The following SYCP2L variants were observed in gnomAD, a reference collection of about 807,000 sequenced individuals.
The protein encoded by SYCP2L is synaptonemal complex protein 2 like.
A neutral mutation model predicts 125.8 loss-of-function variants in SYCP2L; 98 were observed. That is an observed-to-expected ratio of 0.78 (90% CI 0.66 to 0.92). The LOEUF is 0.92. Among genes scored for constraint, SYCP2L ranks in the 40% least tolerant of loss-of-function variants. The pLI is 0.00. For missense variants in SYCP2L, 842 were observed against 936.4 expected, an observed-to-expected ratio of 0.90 and a Z score of 1.32; for synonymous variants, 317 against 325.4, an observed-to-expected ratio of 0.97 and a Z score of 0.28.
At chr6:10,917,719 A>C (rs528529685) in intron 14 of SYCP2L, among the ~76,000 whole-genome samples, 1 of 152,032 alleles carries the variant, frequency 6.6e-6, no homozygotes, top group African/African-American at 2.4e-5. Context: ...TTTTGTTTGT[A>C]ATATTGTATT....
chr6:10,922,022 TTTTGTTTGTTTG>T, intron 14 of SYCP2L, among the ~76,000 whole-genome samples: 1 of 152,190 alleles, frequency 6.6e-6, no homozygotes, highest in East Asian at 1.9e-4. Flanking sequence ...TTTTAATGTT[TTTTGTTTGTTTG>T]TTTGTTTGTT....
At chr6:10,927,173 A>T in intron 16 of SYCP2L, 67 bp from the exon 17 acceptor site, 1 of 1,584,984 alleles carries the variant, frequency 6.3e-7, no homozygotes, top group Non-Finnish European at 8.6e-7. Flanking sequence ...ACATCCCATG[A>T]AGACCACTGG....
intron 14 of SYCP2L, among the ~76,000 whole-genome samples, chr6:10,917,168 C>T (rs1780707645): frequency 6.6e-6 from 1 of 152,042 alleles, no homozygotes; most frequent in Admixed American, 6.6e-5. Context: ...TCATTTGTTC[C>T]AGGGTGTAGT....
At chr6:10,900,669 T>C (rs1780361727) in intron 6 of SYCP2L, among the ~76,000 whole-genome samples, 1 of 152,160 alleles carries the variant, frequency 6.6e-6, no homozygotes, top group African/African-American at 2.4e-5. Context: ...AGAGCTCTTA[T>C]AAGGGCACTC....
chr6:10,910,739 GT>G, intron 11 of SYCP2L, 84 bp from the exon 12 acceptor site: 2 of 1,433,522 alleles, frequency 1.4e-6, no homozygotes, highest in Non-Finnish European at 2.0e-6. Context: ...GCATACTCTA[GT>G]TATAAGTGCT....
intron 14 of SYCP2L, among the ~76,000 whole-genome samples, chr6:10,918,051 G>C (rs1408713496): frequency 6.6e-6 from 1 of 151,994 alleles, no homozygotes; most frequent in Non-Finnish European, 1.5e-5. Flanking sequence ...AGGTTACCTG[G>C]TGCTTTTGTC....
intron 29 of SYCP2L, among the ~76,000 whole-genome samples, chr6:10,966,438 G>C (rs57864468): frequency 0.26 from 39,032 of 152,034 alleles, 5,431 homozygotes; most frequent in East Asian, 0.42. Context: ...CCAGTATTCT[G>C]CTTAATCGTG....
At position 10,960,475 on chromosome 6, in the gene SYCP2L, T is replaced by G. The variant is rs568045461; in HGVS notation, c.2256-830T>G. Among the ~76,000 whole-genome samples the G allele has an allele frequency of 3.9e-5, 6 of 152,228 alleles. No individual in the cohort carries two copies. In the South Asian group the frequency reaches 6.2e-4, roughly 16 times the overall value. On this transcript the variant is annotated intron_variant, in intron 26 of 29. Coordinates refer to ENST00000283141, the MANE Select transcript of SYCP2L (RefSeq NM_001040274.3). ...AGGATGAGTTTTAGGTGCTTTTCAT[T>G]GAAACATTTGACCTAATAGAGAAGA...
chr6:10,967,835 G>C (rs1361366274), intron 29 of SYCP2L, among the ~76,000 whole-genome samples: 20 of 152,120 alleles, frequency 1.3e-4, no homozygotes, highest in Admixed American at 1.3e-3. Flanking sequence ...TGGGCCTTAA[G>C]TGCCCTTTTG....
At chr6:10,952,208 T>G (rs1398815936) in intron 23 of SYCP2L, among the ~76,000 whole-genome samples, 4 of 152,204 alleles carry the variant, frequency 2.6e-5, no homozygotes, top group Non-Finnish European at 5.9e-5. Context: ...AGGACATCAC[T>G]TAGTACCTGC....
In SYCP2L at chr6:10,887,071, G is replaced by T; in HGVS notation, c.-56G>T. 6.2e-7 allele frequency: 1 copy of T among 1,612,640 alleles called. No individual in the cohort carries two copies. The highest frequency in any genetic ancestry group is 8.5e-7 in the Non-Finnish European group (1 of 1,179,144). ...TTGGGCGGGGAAGCAGGAGAGGGCC[G>T]ACCGAGCGCAACAAAGCTGAGCGGC... On this transcript the variant is annotated 5_prime_UTR_variant, in exon 1 of 30. Coordinates refer to ENST00000283141, the MANE Select transcript of SYCP2L (RefSeq NM_001040274.3).
At chr6:10,952,403 TCC>T (rs1561699220) in intron 23 of SYCP2L, among the ~76,000 whole-genome samples, 2 of 151,932 alleles carry the variant, frequency 1.3e-5, no homozygotes, top group Admixed American at 1.3e-4. Flanking sequence ...GTTCACAAAT[TCC>T]GCATAATTCA....
rs538429516 is a variant in SYCP2L at position 10,941,528 on chromosome 6, GCCAACAGA to G, written c.1814-929_1814-922del. Among the ~76,000 whole-genome samples the G allele has an allele frequency of 2.7e-4, 41 of 152,320 alleles. No homozygotes were observed. In the East Asian group the frequency reaches 5.6e-3, roughly 21 times the overall value. On this transcript the variant is annotated intron_variant, in intron 21 of 29. Transcript: ENST00000283141. The stretch of plus-strand genomic sequence containing the variant: ...CTTCTCAAAAGAAGACATTTATGCA[GCCAACAGA>G]CACATGAAAAAATGCTCACCATCAC...
At chr6:10,906,477 T>A (rs760163898) in intron 9 of SYCP2L, among the ~76,000 whole-genome samples, 1 of 152,222 alleles carries the variant, frequency 6.6e-6, no homozygotes, top group Non-Finnish European at 1.5e-5. Flanking sequence ...AAAAGCATTC[T>A]ATAAATGCCA....
intron 26 of SYCP2L, 29 bp from the exon 27 acceptor site, chr6:10,961,276 A>T: frequency 6.3e-7 from 1 of 1,575,700 alleles, no homozygotes; most frequent in East Asian, 2.2e-5. Flanking sequence ...AGCGATCCCA[A>T]TGATATTTAC....
At chr6:10,907,901 T>TTTTTTTTTTTTTTTTTTTTG (rs1780528956) in intron 10 of SYCP2L, among the ~76,000 whole-genome samples, 1 of 132,026 alleles carries the variant, frequency 7.6e-6, no homozygotes, top group Non-Finnish European at 1.6e-5. Context: ...GGTTTTTTTT[T>TTTTTTTTTTTTTTTTTTTTG]TTTTTTTTTG....
At chr6:10,895,283 T>G (rs576637906) in intron 4 of SYCP2L, among the ~76,000 whole-genome samples, 1 of 152,158 alleles carries the variant, frequency 6.6e-6, no homozygotes, top group Non-Finnish European at 1.5e-5. Context: ...GGACTTCTTC[T>G]GCGCAGAGGG....
chr6:10,941,925 C>G (rs1241357467), intron 21 of SYCP2L, among the ~76,000 whole-genome samples: 9 of 152,078 alleles, frequency 5.9e-5, no homozygotes, highest in Admixed American at 3.3e-4. Flanking sequence ...CAACGATAGA[C>G]TGGATTAAGA....
intron 23 of SYCP2L, among the ~76,000 whole-genome samples, chr6:10,943,808 A>G (rs928387541): frequency 6.6e-6 from 1 of 152,200 alleles, no homozygotes; most frequent in Non-Finnish European, 1.5e-5. Context: ...AACAAATGAC[A>G]TTATACTGTA....
Sources: allele counts gnomAD v4.1 joint callset (sites outside exome capture counted in the v4.1 genomes callset), GRCh38; gene constraint gnomAD v4.1.1; transcripts MANE v1.5; gene names NCBI Gene and HGNC (gene_info 2026-07-23, HGNC 2026-07-21).